DPY19L2: variants seen among roughly 807,000 people sequenced by gnomAD.
The protein encoded by DPY19L2 is dpy-19 like 2, also known as probable C-mannosyltransferase DPY19L2.
Under a neutral mutation model 97.9 loss-of-function variants are expected in DPY19L2, and 34 were observed. The ratio of observed to expected loss-of-function variants is 0.35; its 90% confidence interval spans 0.26 to 0.46. DPY19L2 has a LOEUF of 0.46. DPY19L2 is among the 20% of genes least tolerant of loss of function. The probability of loss-of-function intolerance (pLI) is 1.00; values close to 1 mark genes in which losing one functional copy is unlikely to be tolerated. For synonymous variants in DPY19L2, 230 were observed against 307.9 expected (o/e 0.75, Z 2.65); for missense variants, 623 against 911.4 (o/e 0.68, Z 4.07).
intron 19 of DPY19L2, among the ~76,000 whole-genome samples, chr12:63,572,105 C>T (rs1362348742): frequency 6.6e-6 from 1 of 152,138 alleles, no homozygotes; most frequent in African/African-American, 2.4e-5. Flanking sequence ...GGGAGCAGCA[C>T]CAAGCAGGCT....
At chr12:63,600,754 T>C (rs1271939625) in intron 12 of DPY19L2, among the ~76,000 whole-genome samples, 5 of 151,022 alleles carry the variant, frequency 3.3e-5, no homozygotes, top group Admixed American at 6.6e-5. Context: ...ATCGGAAAAG[T>C]GGCTGCTTAT....
rs1253011203 is a variant in DPY19L2 at position 63,580,647 on chromosome 12, C to G, written c.1900+15G>C. On this transcript the variant is annotated intron_variant, in intron 19 of 21. Coordinates refer to ENST00000324472, the MANE Select transcript of DPY19L2 (RefSeq NM_173812.5). ...TGTTTGTATAAAACTAGCATATAAC[C>G]AAATACCTACACACCTGATGTGGTA... The G allele has an allele frequency of 6.3e-7, 1 of 1,589,074 alleles. No individual in the cohort carries two copies. Among genetic ancestry groups the G allele is most frequent in the East Asian group, 2.2e-5 (1 of 44,686 alleles).
At chr12:63,572,185 G>A (rs1001742592) in intron 19 of DPY19L2, among the ~76,000 whole-genome samples, 13 of 152,150 alleles carry the variant, frequency 8.5e-5, no homozygotes, top group African/African-American at 2.9e-4. Flanking sequence ...CTGGAAGAGA[G>A]CCCACTGCCC....
intron 19 of DPY19L2, among the ~76,000 whole-genome samples, chr12:63,580,194 G>A (rs547338817): frequency 6.6e-6 from 1 of 152,200 alleles, no homozygotes; most frequent in Admixed American, 6.5e-5. Context: ...CCAATGACCT[G>A]TTTTACAGAA....
At chr12:63,600,514 A>T in intron 12 of DPY19L2, 128 bp from the exon 13 acceptor site, 1 of 734,900 alleles carries the variant, frequency 1.4e-6, no homozygotes, top group Non-Finnish European at 2.2e-6. Flanking sequence ...TTTTTAAAAA[A>T]AGTTCCTTTA....
At chr12:63,563,044 G>A (rs546912997) in intron 21 of DPY19L2, among the ~76,000 whole-genome samples, 3 of 152,142 alleles carry the variant, frequency 2.0e-5, no homozygotes, top group Admixed American at 1.3e-4. Context: ...TGATCCACCC[G>A]CCTCAGCCTC....
chr12:63,588,855 G>A (rs1027394694), intron 16 of DPY19L2, among the ~76,000 whole-genome samples: 3 of 149,894 alleles, frequency 2.0e-5, no homozygotes, highest in South Asian at 2.1e-4. Context: ...CCGGGTTCAC[G>A]CCATTCTCCT....
chr12:63,629,014 T>C (rs1890097059), intron 6 of DPY19L2, among the ~76,000 whole-genome samples: 1 of 151,866 alleles, frequency 6.6e-6, no homozygotes, highest in South Asian at 2.1e-4. Context: ...TCCTGACTGT[T>C]AGAAGGAAAA....
In DPY19L2 at chr12:63,624,085, T is replaced by G. The variant is rs759725841; in HGVS notation, c.908A>C (p.Tyr303Ser). 1.9e-6 allele frequency: 3 copies of G among 1,611,808 alleles called. No homozygotes were observed. In the Admixed American group the frequency reaches 5.0e-5, roughly 27 times the overall value. The change falls in exon 8 of 22, where the codon TAT (tyrosine) becomes TCT (serine). Residue 303 changes from tyrosine (Y) to serine (S), a missense_variant. This residue lies in a region of DPY19L2 where 67 missense variants were observed against 88.0 expected (regional missense o/e 0.76). Transcript: ENST00000324472. ...WTPPLRESFS[Y>S]PFLVLQMCIL... ...ACACATCTGAAGTACAAGGAAAGGATAGGAAAAACTTTCACGGAGAGGTGG... is the reference window on the plus strand; with the variant it reads ...ACACATCTGAAGTACAAGGAAAGGAGAGGAAAAACTTTCACGGAGAGGTGG...
intron 9 of DPY19L2, among the ~76,000 whole-genome samples, chr12:63,620,482 A>T (rs1330918913): frequency 6.6e-6 from 1 of 152,202 alleles, no homozygotes; most frequent in Non-Finnish European, 1.5e-5. Context: ...AACACCAAAA[A>T]TAACATTTGT....
intron 16 of DPY19L2, among the ~76,000 whole-genome samples, chr12:63,586,692 T>C (rs1365189082): frequency 6.6e-6 from 1 of 152,222 alleles, no homozygotes; most frequent in Non-Finnish European, 1.5e-5. Flanking sequence ...TTAATACTGG[T>C]AAGAAGCTTA....
At chr12:63,594,306 G>A (rs1318988132) in intron 15 of DPY19L2, among the ~76,000 whole-genome samples, 173 bp from the exon 16 acceptor site, 2 of 152,106 alleles carry the variant, frequency 1.3e-5, no homozygotes, top group Non-Finnish European at 2.9e-5. Context: ...CTCCTTCCGA[G>A]AAGTGACTTC....
chr12:63,635,821 C>T (rs1428872320), intron 6 of DPY19L2, among the ~76,000 whole-genome samples: 3 of 152,110 alleles, frequency 2.0e-5, no homozygotes, highest in African/African-American at 4.8e-5. Flanking sequence ...CTGAAAGTGA[C>T]AGGGAGAATG....
chr12:63,636,401 C>T (rs540045895), intron 6 of DPY19L2, among the ~76,000 whole-genome samples: 27 of 152,156 alleles, frequency 1.8e-4, no homozygotes, highest in Admixed American at 1.6e-3. Flanking sequence ...AACATCATAA[C>T]AACAGGATCA....
intron 6 of DPY19L2, among the ~76,000 whole-genome samples, chr12:63,638,669 G>A (rs1170378991): frequency 1.3e-5 from 2 of 152,016 alleles, no homozygotes; most frequent in Admixed American, 6.5e-5. Context: ...CCTCTTCAAG[G>A]AGAACCACAA....
intron 7 of DPY19L2, among the ~76,000 whole-genome samples, chr12:63,626,003 T>C (rs1889475714): frequency 6.7e-6 from 1 of 148,712 alleles, no homozygotes; most frequent in South Asian, 2.1e-4. Context: ...AAAATATAAA[T>C]TAATATATAT....
chr12:63,626,037 T>C (rs1454046317), intron 7 of DPY19L2, among the ~76,000 whole-genome samples: 5 of 149,778 alleles, frequency 3.3e-5, no homozygotes, highest in African/African-American at 1.2e-4. Flanking sequence ...GGCAGACAGA[T>C]ATAGAATGGG....
At chr12:63,588,916 G>A (rs913792349) in intron 16 of DPY19L2, among the ~76,000 whole-genome samples, 1 of 151,846 alleles carries the variant, frequency 6.6e-6, no homozygotes, top group Non-Finnish European at 1.5e-5. Context: ...ACGATGCCCA[G>A]CTAATTTTTT....
intron 9 of DPY19L2, among the ~76,000 whole-genome samples, chr12:63,618,498 A>G (rs981309412): frequency 1.4e-4 from 21 of 152,192 alleles, no homozygotes; most frequent in Non-Finnish European, 2.6e-4. Context: ...ACCGATGAGC[A>G]TGACATTTTA....
Sources: allele counts gnomAD v4.1 joint callset (sites outside exome capture counted in the v4.1 genomes callset), GRCh38; gene constraint gnomAD v4.1.1; regional missense constraint gnomAD v4.1.1; transcripts MANE v1.5; gene names NCBI Gene and HGNC (gene_info 2026-07-23, HGNC 2026-07-21).